CNTNAP2: variants seen among roughly 807,000 people sequenced by gnomAD.
CNTNAP2 encodes contactin associated protein 2.
In CNTNAP2, 98 loss-of-function variants were observed where a neutral mutation model predicts 155.2. The ratio of observed to expected loss-of-function variants is 0.63; its 90% CI spans 0.54 to 0.75. The LOEUF (loss-of-function observed/expected upper bound fraction) is 0.75, where lower values mean the gene tolerates loss of function less well. CNTNAP2 is among the 30% of genes least tolerant of loss of function. CNTNAP2 has a pLI of 0.00. For missense variants in CNTNAP2, 1,727 were observed against 1,688.1 expected (o/e 1.02, Z -0.40); for synonymous variants, 651 against 631.2 (o/e 1.03, Z -0.47).
At chr7:148,100,234 T>C (rs1804068254) in intron 15 of CNTNAP2, among the ~76,000 whole-genome samples, 1 of 152,138 alleles carries the variant, frequency 6.6e-6, no homozygotes, top group Admixed American at 6.6e-5. Flanking sequence ...TCTTTCCTTT[T>C]CCTTTTGTTC....
intron 1 of CNTNAP2, among the ~76,000 whole-genome samples, chr7:146,614,428 A>G (rs1305963175): frequency 6.6e-6 from 1 of 152,210 alleles, no homozygotes; most frequent in Non-Finnish European, 1.5e-5. Context: ...CCTGGCATAT[A>G]ACATGTGTCC....
intron 1 of CNTNAP2, among the ~76,000 whole-genome samples, chr7:146,646,576 T>C (rs1177539810): frequency 2.0e-5 from 3 of 152,198 alleles, no homozygotes; most frequent in African/African-American, 7.2e-5. Flanking sequence ...TTGAGGAAGC[T>C]AATTCATCCT....
intron 1 of CNTNAP2, among the ~76,000 whole-genome samples, chr7:146,667,775 G>C (rs1350336968): frequency 1.3e-5 from 2 of 149,850 alleles, no homozygotes; most frequent in Non-Finnish European, 3.0e-5. Flanking sequence ...CTTTTTTTTA[G>C]TTTGTTGCTT....
At chr7:146,936,140 G>T (rs1585168357) in intron 3 of CNTNAP2, among the ~76,000 whole-genome samples, 1 of 152,140 alleles carries the variant, frequency 6.6e-6, no homozygotes, top group Non-Finnish European at 1.5e-5. Flanking sequence ...CCTAAAGTTT[G>T]GTCACACTCT....
intron 8 of CNTNAP2, among the ~76,000 whole-genome samples, chr7:147,181,801 C>CT (rs1802460725): frequency 6.6e-6 from 1 of 152,126 alleles, no homozygotes; most frequent in Non-Finnish European, 1.5e-5. Context: ...TGTAGCTCTT[C>CT]TTTTTTTAAT....
At chr7:146,117,671 A>C (rs777401886) in intron 1 of CNTNAP2, among the ~76,000 whole-genome samples, 9 of 152,092 alleles carry the variant, frequency 5.9e-5, no homozygotes, top group African/African-American at 9.7e-5. Context: ...TTCAATATGT[A>C]TATCTCTGCA....
At chr7:147,677,758 C>T (rs1204853788) in intron 13 of CNTNAP2, among the ~76,000 whole-genome samples, 1 of 151,642 alleles carries the variant, frequency 6.6e-6, no homozygotes, top group Middle Eastern at 3.2e-3. Context: ...TTCCCAGCAC[C>T]ATATATTAAA....
intron 5 of CNTNAP2, 44 bp downstream of exon 5, chr7:147,108,394 C>T (rs767874701): frequency 1.3e-6 from 2 of 1,503,544 alleles, no homozygotes; most frequent in Admixed American, 1.8e-5. Context: ...TATGGATGTT[C>T]CCATTAGGAA....
chr7:147,125,495 T>A (rs1192241550), intron 6 of CNTNAP2, among the ~76,000 whole-genome samples: 3 of 152,156 alleles, frequency 2.0e-5, no homozygotes, highest in Admixed American at 6.6e-5. Flanking sequence ...GCGTAGTCAA[T>A]AAAAACCAAA....
At chr7:148,155,885 G>A (rs1237951775) in intron 17 of CNTNAP2, among the ~76,000 whole-genome samples, 1 of 152,138 alleles carries the variant, frequency 6.6e-6, no homozygotes, top group Non-Finnish European at 1.5e-5. Context: ...GAGGGTATGT[G>A]GAAAGGTGCG....
At chr7:147,152,091 A>G (rs1399876721) in intron 8 of CNTNAP2, among the ~76,000 whole-genome samples, 1 of 152,194 alleles carries the variant, frequency 6.6e-6, no homozygotes, top group Non-Finnish European at 1.5e-5. Flanking sequence ...AATTACAGCA[A>G]TGCTGACATA....
intron 1 of CNTNAP2, among the ~76,000 whole-genome samples, chr7:146,386,761 T>A (rs1293211163): frequency 6.6e-6 from 1 of 152,240 alleles, no homozygotes; most frequent in Non-Finnish European, 1.5e-5. Context: ...CTATATTTTC[T>A]CTGTATCATT....
At chr7:148,047,369 GATTC>G (rs1802792903) in intron 15 of CNTNAP2, among the ~76,000 whole-genome samples, 1 of 152,010 alleles carries the variant, frequency 6.6e-6, no homozygotes, top group African/African-American at 2.4e-5. Context: ...ATATGTTTTT[GATTC>G]ATTAACACTG....
intron 1 of CNTNAP2, among the ~76,000 whole-genome samples, chr7:146,466,109 C>G (rs955153007): frequency 2.0e-5 from 3 of 152,118 alleles, no homozygotes; most frequent in African/African-American, 7.2e-5. Context: ...ATGATGTAAA[C>G]TAGAATCAAA....
intron 21 of CNTNAP2, among the ~76,000 whole-genome samples, chr7:148,270,849 C>G (rs762563277): frequency 3.3e-5 from 5 of 152,182 alleles, no homozygotes; most frequent in Non-Finnish European, 7.3e-5. Context: ...GACCATGTTG[C>G]TTTCTTAGTT....
rs373031251 is a variant in CNTNAP2, at chr7:146,530,415, GA to G, written c.98-243847del. Among the ~76,000 whole-genome samples the G allele has an allele frequency of 4.2e-3, 634 of 150,182 alleles. 1 individual carries two copies. Among genetic ancestry groups the G allele is most frequent in the African/African-American group, 0.013 (526 of 41,002 alleles). ...TAAACTAAAGATCTTTTATTCAGGG[GA>G]AAAAAAAAGAGCAAAGTAAACAGAC... On this transcript the variant is annotated intron_variant, in intron 1 of 23. Transcript: ENST00000361727.
At chr7:146,645,900 A>T (rs1462700849) in intron 1 of CNTNAP2, among the ~76,000 whole-genome samples, 1 of 152,130 alleles carries the variant, frequency 6.6e-6, no homozygotes, top group Non-Finnish European at 1.5e-5. Flanking sequence ...TATACTTCAA[A>T]ATGAGCAATT....
At chr7:147,658,783 C>T (rs1360536974) in intron 13 of CNTNAP2, among the ~76,000 whole-genome samples, 3 of 152,178 alleles carry the variant, frequency 2.0e-5, no homozygotes, top group Non-Finnish European at 4.4e-5. Flanking sequence ...GTTTACTGTG[C>T]TTTCCCCTCC....
At chr7:146,149,612 T>C (rs1412249168) in intron 1 of CNTNAP2, among the ~76,000 whole-genome samples, 2 of 151,982 alleles carry the variant, frequency 1.3e-5, no homozygotes, top group African/African-American at 2.4e-5. Context: ...ATATGGCCAA[T>C]TGATCTTCCA....
Sources: gnomAD v4.1 joint callset for allele counts (sites outside exome capture counted in the v4.1 genomes callset) on GRCh38, gnomAD v4.1.1 for gene constraint, MANE v1.5 for transcripts, NCBI Gene and HGNC (gene_info 2026-07-23, HGNC 2026-07-21) for gene names.